Variants in ESCO1 observed in about 807,000 individuals in gnomAD.
ESCO1 encodes the protein N-acetyltransferase ESCO1.
A neutral mutation model predicts 83.5 loss-of-function variants in ESCO1; 33 were observed. That is an observed-to-expected ratio of 0.40 (90% CI 0.30 to 0.53). ESCO1 has a LOEUF of 0.53. Ranked by LOEUF, ESCO1 falls within the 20% of genes least tolerant of loss-of-function variation. The pLI, the probability that ESCO1 is intolerant of heterozygous loss-of-function variation, is 0.63. For missense variants in ESCO1, 855 were observed against 968.0 expected (o/e 0.88, Z 1.55); for synonymous variants, 332 against 324.3 (o/e 1.02, Z -0.25).
chr18:21,538,287 T>TAA (rs34369531), intron 9 of ESCO1, among the ~76,000 whole-genome samples: 36 of 124,716 alleles, frequency 2.9e-4, no homozygotes, highest in African/African-American at 8.1e-4. Context: ...CCCTGTCTCT[T>TAA]AAAAAAAAAA....
At chr18:21,559,987 C>A (rs1050547387) in intron 8 of ESCO1, among the ~76,000 whole-genome samples, 8 of 151,636 alleles carry the variant, frequency 5.3e-5, no homozygotes, top group African/African-American at 2.4e-5. Flanking sequence ...ATGAATTTAA[C>A]GGAGGCCAAT....
intron 8 of ESCO1, 29 bp from the exon 9 acceptor site, chr18:21,540,038 A>T (rs747847986): frequency 1.3e-5 from 20 of 1,482,636 alleles, no homozygotes; most frequent in Middle Eastern, 1.9e-4. Context: ...ATATACACAC[A>T]TATGTAAAGT....
chr18:21,546,983 T>A (rs1054443291), intron 8 of ESCO1, among the ~76,000 whole-genome samples: 2 of 152,204 alleles, frequency 1.3e-5, no homozygotes, highest in African/African-American at 4.8e-5. Flanking sequence ...TGGAATACTT[T>A]TATTTGCCTG....
chr18:21,564,379 GA>G, intron 6 of ESCO1, 62 bp from the exon 7 acceptor site: 1 of 1,107,186 alleles, frequency 9.0e-7, no homozygotes, highest in Non-Finnish European at 1.3e-6. Context: ...ATTTGAAGGG[GA>G]AAAAATAACT....
chr18:21,589,664 A>G (rs2038634512), intron 1 of ESCO1, among the ~76,000 whole-genome samples: 1 of 152,138 alleles, frequency 6.6e-6, no homozygotes, highest in Admixed American at 6.5e-5. Flanking sequence ...AACAGCTGGG[A>G]AAGATTTCTC....
chr18:21,561,951 T>C (rs1377335456), intron 7 of ESCO1, among the ~76,000 whole-genome samples: 1 of 151,794 alleles, frequency 6.6e-6, no homozygotes, highest in African/African-American at 2.4e-5. Flanking sequence ...CCATCTTGGC[T>C]CACTGCAACC....
intron 10 of ESCO1, among the ~76,000 whole-genome samples, chr18:21,535,392 C>CTT (rs1225199079): frequency 8.9e-6 from 1 of 112,898 alleles, no homozygotes; most frequent in South Asian, 2.9e-4. Flanking sequence ...TTTTTTTTTT[C>CTT]TTTTTTTTTT....
In ESCO1 at chr18:21,586,607, T is replaced by C. The variant is rs138793802; in HGVS notation, c.-824-2167A>G. ...TACATTGATCTTGTGTCCTGTAACGTTGTTAAATTTAATGAGTTCTAATAG... is the reference window on the plus strand; with the variant it reads ...TACATTGATCTTGTGTCCTGTAACGCTGTTAAATTTAATGAGTTCTAATAG... On this transcript the variant is annotated intron_variant, in intron 1 of 11. Transcript: ENST00000269214. 6.6e-3 allele frequency among the ~76,000 whole-genome samples: 1,005 copies of C among 152,330 alleles called. 4 individuals carry two copies. Among genetic ancestry groups the C allele is most frequent in the Non-Finnish European group, 0.011 (771 of 68,032 alleles).
At chr18:21,592,361 G>A (rs1194128505) in intron 1 of ESCO1, among the ~76,000 whole-genome samples, 2 of 108,850 alleles carry the variant, frequency 1.8e-5, no homozygotes, top group Non-Finnish European at 3.9e-5. Context: ...GGACGAGGCG[G>A]CTGGCCGGGC....
chr18:21,539,675 C>T (rs1214147483), intron 9 of ESCO1, among the ~76,000 whole-genome samples: 1 of 152,024 alleles, frequency 6.6e-6, no homozygotes. Context: ...TATGGTGAAA[C>T]CCTGTCTCTA....
intron 8 of ESCO1, among the ~76,000 whole-genome samples, chr18:21,551,948 T>A (rs568137614): frequency 1.3e-5 from 2 of 152,202 alleles, no homozygotes; most frequent in Admixed American, 1.3e-4. Context: ...AAGGATACTA[T>A]CTACTTCAGT....
chr18:21,590,923 G>A (rs1304728885), intron 1 of ESCO1, among the ~76,000 whole-genome samples: 6 of 150,164 alleles, frequency 4.0e-5, no homozygotes, highest in African/African-American at 2.5e-5. Flanking sequence ...CCAGCCTCAC[G>A]ACAGAGCGAG....
intron 2 of ESCO1, among the ~76,000 whole-genome samples, chr18:21,580,250 A>G (rs2038483815): frequency 6.6e-6 from 1 of 152,234 alleles, no homozygotes; most frequent in South Asian, 2.1e-4. Flanking sequence ...ATGAGGAAAA[A>G]AACTTTTTAA....
chr18:21,567,405 T>G (rs1014348717), intron 5 of ESCO1, among the ~76,000 whole-genome samples: 1 of 152,020 alleles, frequency 6.6e-6, no homozygotes, highest in African/African-American at 2.4e-5. Flanking sequence ...CCTTAAGTGA[T>G]CTGTCTGCCT....
chr18:21,592,359 C>A (rs1174026814), intron 1 of ESCO1, among the ~76,000 whole-genome samples: 1 of 117,718 alleles, frequency 8.5e-6, no homozygotes, highest in African/African-American at 3.3e-5. Context: ...CCGGACGAGG[C>A]GGCTGGCCGG....
intron 1 of ESCO1, among the ~76,000 whole-genome samples, chr18:21,590,669 G>A (rs372940541): frequency 6.6e-6 from 1 of 150,932 alleles, no homozygotes; most frequent in African/African-American, 2.4e-5. Context: ...ATTCACTCTC[G>A]GCCAGGCAAG....
chr18:21,571,855 G>A (rs1017122175), intron 4 of ESCO1, among the ~76,000 whole-genome samples: 3 of 152,092 alleles, frequency 2.0e-5, no homozygotes, highest in African/African-American at 7.2e-5. Flanking sequence ...AAATCTCTCT[G>A]AACAATCATC....
rs778785895 is a variant in ESCO1 at position 21,566,131 on chromosome 18, T to A, written c.1706+15A>T. The A allele has an allele frequency of 6.2e-7, 1 of 1,607,358 alleles. No individual in the cohort carries two copies. The highest frequency in any genetic ancestry group is 8.5e-7 in the Non-Finnish European group (1 of 1,176,588). On this transcript the variant is annotated intron_variant, in intron 6 of 11. Coordinates refer to ENST00000269214, the MANE Select transcript of ESCO1 (RefSeq NM_052911.3). Reference sequence around the variant, plus strand: ...GTTAAAATCCTTAAGCTCTAAAATTTAATTAATAGCTTACCTGTTATCACT... The same window carrying A: ...GTTAAAATCCTTAAGCTCTAAAATTAAATTAATAGCTTACCTGTTATCACT...
chr18:21,578,211 G>C (rs1379889114), intron 2 of ESCO1, among the ~76,000 whole-genome samples: 1 of 151,996 alleles, frequency 6.6e-6, no homozygotes, highest in Admixed American at 6.6e-5. Flanking sequence ...AAGTAGCTTT[G>C]AAGACAAAAT....
Sources: gnomAD v4.1 joint callset for allele counts (sites outside exome capture counted in the v4.1 genomes callset) on GRCh38, gnomAD v4.1.1 for gene constraint, MANE v1.5 for transcripts, NCBI Gene and HGNC (gene_info 2026-07-23, HGNC 2026-07-21) for gene names.